Variants in ACRBP observed in about 807,000 individuals in gnomAD.
ACRBP encodes acrosin binding protein.
A neutral mutation model predicts 69.0 loss-of-function variants in ACRBP; 52 were observed. The observed-to-expected ratio is 0.75, with a 90% CI of 0.60 to 0.95. ACRBP has a LOEUF of 0.95. Among genes scored for constraint, ACRBP ranks in the 40% least tolerant of loss-of-function variants. The pLI is 0.00. For missense variants in ACRBP, 604 were observed against 673.0 expected, an observed-to-expected ratio of 0.90 and a Z score of 1.13; for synonymous variants, 267 against 258.9, an observed-to-expected ratio of 1.03 and a Z score of -0.30.
Position 6,644,516 on chromosome 12 carries a change from G to A in ACRBP, c.565C>T (p.Gln189Ter). The change falls in exon 5 of 10, where the codon CAG (glutamine) becomes TAG (stop). Residue 189 changes from glutamine (Q) to a stop codon, truncating the protein, a stop_gained. Transcript: ENST00000229243. LOFTEE classifies it high-confidence loss of function. Reference sequence around the variant, plus strand: ...TGCTTGTGCTCTGGCGCTTGCTCCTGGCCTCCCAGGGACAAGGAGGATTGT... The same window carrying A: ...TGCTTGTGCTCTGGCGCTTGCTCCTAGCCTCCCAGGGACAAGGAGGATTGT... ...LLQSSLSLGG[Q>*]EQAPEHKQEQ... 2 of 1,613,980 alleles carry A rather than the reference G, an allele frequency of 1.2e-6. No individual in the cohort carries two copies. Among genetic ancestry groups the A allele is most frequent in the African/African-American group, 1.3e-5 (1 of 74,950 alleles).
At chr12:6,638,526 G>A in intron 9 of ACRBP, 122 bp from the exon 10 acceptor site, 1 of 1,383,562 alleles carries the variant, frequency 7.2e-7, no homozygotes, top group Non-Finnish European at 1.0e-6. Context: ...CAGGGCAGTA[G>A]AGGGAAGGAG....
rs1357885101 is a variant in ACRBP at position 6,640,587 on chromosome 12, G to A, written c.1078-65C>T. The A allele has an allele frequency of 6.5e-7, 1 of 1,544,318 alleles. No individual in the cohort carries two copies. Among genetic ancestry groups the A allele is most frequent in the African/African-American group, 1.4e-5 (1 of 73,754 alleles). On this transcript the variant is annotated intron_variant, in intron 6 of 9. Transcript: ENST00000229243. This position sits in a 1 kb window ranked among gnomAD's most constrained non-coding sequence, Gnocchi z 5.3. The stretch of plus-strand genomic sequence containing the variant: ...GCGGCCTGCCTTCTCCCATGCCTCA[G>A]CCCTCCAGGGTGGGCCCTGCAGAAT...
At position 6,638,159 on chromosome 12, in the gene ACRBP, C is replaced by G; in HGVS notation, c.*123G>C. On this transcript the variant is annotated 3_prime_UTR_variant, in exon 10 of 10. Transcript: ENST00000229243. ...CCTCTCTGGGACTGTTGCTCCAACCCAAGGAAATGTGAGTAGGGGCCGAGT... is the reference window on the plus strand; with the variant it reads ...CCTCTCTGGGACTGTTGCTCCAACCGAAGGAAATGTGAGTAGGGGCCGAGT... 1 of 1,421,316 alleles carries G rather than the reference C, an allele frequency of 7.0e-7. No individual in the cohort carries two copies. Among genetic ancestry groups the G allele is most frequent in the Middle Eastern group, 2.5e-4 (1 of 3,932 alleles). The allele number at this position is 1,421,316 out of a possible 1,614,324, so 88.0% of individuals were successfully genotyped here.
At chr12:6,644,797 C>T (rs189090460) in intron 4 of ACRBP, among the ~76,000 whole-genome samples, 192 bp from the exon 5 acceptor site, 2 of 152,300 alleles carry the variant, frequency 1.3e-5, no homozygotes, top group East Asian at 3.9e-4. Flanking sequence ...TGGTGGTATG[C>T]ATCACCTTCC....
chr12:6,643,485 TG>T (rs1949067190), intron 6 of ACRBP, 53 bp downstream of exon 6: 1 of 1,604,790 alleles, frequency 6.2e-7, no homozygotes, highest in Admixed American at 1.7e-5. Flanking sequence ...GCACAGTGCC[TG>T]GCCAAGAGGA....
At chr12:6,639,148 C>T (rs1949033003) in intron 8 of ACRBP, 111 bp from the exon 9 acceptor site, 4 of 946,368 alleles carry the variant, frequency 4.2e-6, no homozygotes, top group Non-Finnish European at 6.7e-6. Flanking sequence ...GGCCCAAGAC[C>T]CAGGTCTTCC....
rs1436654107 is a variant in ACRBP, at chr12:6,645,339, T to C, written c.358-2A>G. 6.2e-7 allele frequency: 1 copy of C among 1,609,338 alleles called. No individual in the cohort carries two copies. Among genetic ancestry groups the C allele is most frequent in the South Asian group, 1.1e-5 (1 of 90,918 alleles). On this transcript the variant is annotated splice_acceptor_variant, in intron 3 of 9. Transcript: ENST00000229243. LOFTEE classifies it high-confidence loss of function. ...GACTGGCTGGGAACACAGGACTCTC[T>C]GCAGGAAGAGAAGGAAAATGGGAAA...
rs1231173517 is a variant in ACRBP, at chr12:6,646,582, GA to G, written c.263-6del. On this transcript the variant is annotated splice_polypyrimidine_tract_variant and splice_region_variant and intron_variant, in intron 2 of 9. Transcript: ENST00000229243. ...GGAGGTTGGAGCAGACAGCACCTGA[GA>G]AAGGGCAGGGGTGGAGAAGATGAAC... The G allele has an allele frequency of 1.2e-6, 2 of 1,613,658 alleles. No homozygotes were observed. Among genetic ancestry groups the G allele is most frequent in the Non-Finnish European group, 1.7e-6 (2 of 1,179,570 alleles).
Position 6,644,530 on chromosome 12 carries a change from AAGG to A in ACRBP, c.548_550del (p.Ser183del). 4 of 1,613,998 alleles carry A rather than the reference AAGG, an allele frequency of 2.5e-6. No homozygotes were observed. Among genetic ancestry groups the A allele is most frequent in the Non-Finnish European group, 2.5e-6 (3 of 1,180,016 alleles). The stretch of plus-strand genomic sequence containing the variant: ...CGCTTGCTCCTGGCCTCCCAGGGAC[AAGG>A]AGGATTGTAGGAGCTCTTCCACGTT... On this transcript the variant is annotated inframe_deletion, in exon 5 of 10. Transcript: ENST00000229243.
Position 6,644,283 on chromosome 12 carries a change from G to C in ACRBP, c.798C>G (p.Ser266=), listed in dbSNP as rs1201826722. The C allele has an allele frequency of 1.9e-6, 3 of 1,614,034 alleles. No individual in the cohort carries two copies. In the African/African-American group the frequency reaches 4.0e-5, roughly 22 times the overall value. The change falls in exon 5 of 10, where the codon TCC becomes TCG. Residue 266 remains serine (S), a synonymous_variant. Transcript: ENST00000229243. ...CTTCTCGTACCCGGGGAGCAAAAGA[G>C]GAAGGGTTAGAAGATAGAGATTCAG... ...FHSESLSSNP[S]SFAPRVREVE...
At chr12:6,646,755 CT>C in intron 2 of ACRBP, 38 bp downstream of exon 2, 1 of 1,610,836 alleles carries the variant, frequency 6.2e-7, no homozygotes, top group Non-Finnish European at 8.5e-7. Flanking sequence ...TGGGTGAACA[CT>C]CTGGGTGCCT....
rs1949040719 is a variant in ACRBP at position 6,640,114 on chromosome 12, A to G, written c.1371T>C (p.Ser457=). 6.2e-7 allele frequency: 1 copy of G among 1,614,232 alleles called. No homozygotes were observed. The highest frequency in any genetic ancestry group is 8.5e-7 in the Non-Finnish European group (1 of 1,180,038). The change falls in exon 8 of 10, where the codon TCT becomes TCC. Residue 457 remains serine (S), a synonymous_variant. Transcript: ENST00000229243. This position sits in a 1 kb window ranked among gnomAD's most constrained non-coding sequence, Gnocchi z 5.3. ...TAAGGAACTCAGTCTGGAGCCACCC[A>G]GAGACTCGGACATCTTCACAGCCTT... ...ATKGCEDVRV[S]GWLQTEFLSF...
chr12:6,646,748 G>A, intron 2 of ACRBP, 46 bp downstream of exon 2: 1 of 1,607,574 alleles, frequency 6.2e-7, no homozygotes, highest in Non-Finnish European at 8.5e-7. Context: ...TGAGGTTTGG[G>A]TGAACACTCT....
intron 6 of ACRBP, among the ~76,000 whole-genome samples, chr12:6,642,379 A>G (rs1170617663): frequency 1.3e-4 from 20 of 152,150 alleles, no homozygotes; most frequent in Admixed American, 1.3e-3. Flanking sequence ...GAAACCCTTA[A>G]GTCTTTAAAT....
chr12:6,643,355 G>A (rs1224532569), intron 6 of ACRBP, among the ~76,000 whole-genome samples, 184 bp downstream of exon 6: 1 of 152,148 alleles, frequency 6.6e-6, no homozygotes, highest in Non-Finnish European at 1.5e-5. Flanking sequence ...ACTGGGTCTT[G>A]AGCCTTCCTC....
intron 3 of ACRBP, 144 bp from the exon 4 acceptor site, chr12:6,645,481 T>C (rs1343078621): frequency 4.6e-6 from 3 of 653,158 alleles, no homozygotes; most frequent in South Asian, 1.8e-5. Flanking sequence ...TGGAACCCTC[T>C]AGACCTGAGA....
chr12:6,647,104 C>G (rs1949095968), intron 1 of ACRBP, 92 bp from the exon 2 acceptor site: 6 of 1,251,908 alleles, frequency 4.8e-6, no homozygotes, highest in South Asian at 1.3e-5. Context: ...AAATTAGGAA[C>G]GGGGTGAGGG....
At position 6,646,555 on chromosome 12, in the gene ACRBP, A is replaced by C; in HGVS notation, c.285T>G (p.Pro95=). 6.2e-7 allele frequency: 1 copy of C among 1,614,104 alleles called. No individual in the cohort carries two copies. The highest frequency in any genetic ancestry group is 8.5e-7 in the Non-Finnish European group (1 of 1,180,028). The change falls in exon 3 of 10, where the codon CCT becomes CCG. Residue 95 remains proline, a synonymous_variant. Transcript: ENST00000229243. ...VPDGAVCSNL[P]YASWFESFCQ... ...AGAAAGACTCAAACCAGGAGGCATA[A>C]GGGAGGTTGGAGCAGACAGCACCTG...
At chr12:6,639,064 G>A in intron 8 of ACRBP, 27 bp from the exon 9 acceptor site, 1 of 1,597,480 alleles carries the variant, frequency 6.3e-7, no homozygotes, top group South Asian at 1.1e-5. Context: ...AGAGAGGGAA[G>A]AGGGTATCAG....
Sources: gnomAD v4.1 joint callset for allele counts (sites outside exome capture counted in the v4.1 genomes callset) on GRCh38, gnomAD v4.1.1 for gene constraint, Gnocchi (gnomAD v3.1) non-coding constraint, MANE v1.5 for transcripts, NCBI Gene and HGNC (gene_info 2026-07-23, HGNC 2026-07-21) for gene names.